The following AASDHPPT variants were observed in gnomAD, a reference collection of about 807,000 sequenced individuals.
AASDHPPT encodes the protein aminoadipate-semialdehyde dehydrogenase-phosphopantetheinyl transferase, also known as L-aminoadipate-semialdehyde dehydrogenase-phosphopantetheinyl transferase.
In AASDHPPT, 23 loss-of-function variants were observed where a neutral mutation model predicts 36.4. The ratio of observed to expected loss-of-function variants is 0.63; its 90% CI spans 0.45 to 0.89. The LOEUF (loss-of-function observed/expected upper bound fraction) is 0.89, where lower values mean the gene tolerates loss of function less well. AASDHPPT is among the 40% of genes least tolerant of loss of function. AASDHPPT has a pLI of 0.00. For missense variants in AASDHPPT, 377 were observed against 378.2 expected, an observed-to-expected ratio of 1.00 and a Z score of 0.03; for synonymous variants, 115 against 128.0, an observed-to-expected ratio of 0.90 and a Z score of 0.68.
rs200243845 is a variant in AASDHPPT at position 106,077,699 on chromosome 11, C to A, written c.-12C>A. The A allele has an allele frequency of 8.1e-6, 13 of 1,606,670 alleles. No homozygotes were observed. Among genetic ancestry groups the A allele is most frequent in the Admixed American group, 1.7e-5 (1 of 59,798 alleles). On this transcript the variant is annotated 5_prime_UTR_variant, in exon 1 of 6. Transcript: ENST00000278618. ...TCAGGCCCGAGATAGCGGCGAGGTCCGCTTTCAGTGTATGGTTTTCCCTGC... is the reference window on the plus strand; with the variant it reads ...TCAGGCCCGAGATAGCGGCGAGGTCAGCTTTCAGTGTATGGTTTTCCCTGC...
At chr11:106,096,220 CA>C (rs921201987) in intron 5 of AASDHPPT, among the ~76,000 whole-genome samples, 1 of 152,082 alleles carries the variant, frequency 6.6e-6, no homozygotes, top group African/African-American at 2.4e-5. Context: ...AGAGGGTCTG[CA>C]CTGGGTTCAA....
chr11:106,094,462 G>A, intron 4 of AASDHPPT, 121 bp from the exon 5 acceptor site: 1 of 633,302 alleles, frequency 1.6e-6, no homozygotes, highest in Non-Finnish European at 2.5e-6. Flanking sequence ...GCACGCGTGT[G>A]AGTGTACGTA....
intron 1 of AASDHPPT, among the ~76,000 whole-genome samples, chr11:106,078,445 GTATT>G (rs1861091605): frequency 6.6e-6 from 1 of 152,170 alleles, no homozygotes. Flanking sequence ...ATGGGAAACA[GTATT>G]TTACGTAGAT....
chr11:106,080,279 G>A (rs531978653), intron 2 of AASDHPPT, among the ~76,000 whole-genome samples: 8 of 152,254 alleles, frequency 5.3e-5, no homozygotes, highest in South Asian at 2.1e-4. Context: ...GGCCGCATGC[G>A]CAGATTTTGG....
At chr11:106,090,780 T>G in intron 3 of AASDHPPT, 102 bp downstream of exon 3, 1 of 1,415,944 alleles carries the variant, frequency 7.1e-7, no homozygotes, top group Non-Finnish European at 9.4e-7. Context: ...AAACAGTGCT[T>G]GAAGTAAATG....
intron 2 of AASDHPPT, chr11:106,085,910 G>A (rs1181902373): frequency 6.6e-6 from 1 of 152,172 alleles, no homozygotes. Flanking sequence ...TTTCCTTTGA[G>A]TATAATTTTG....
intron 3 of AASDHPPT, 75 bp downstream of exon 3, chr11:106,090,753 G>T: frequency 2.0e-6 from 3 of 1,531,544 alleles, no homozygotes; most frequent in South Asian, 1.3e-5. Flanking sequence ...AGAGTCCTTG[G>T]TTACCCAGTA....
chr11:106,084,049 A>G (rs1017047014), intron 2 of AASDHPPT, among the ~76,000 whole-genome samples: 1 of 152,210 alleles, frequency 6.6e-6, no homozygotes, highest in African/African-American at 2.4e-5. Context: ...AAATATTAAT[A>G]GGCACGTTAC....
chr11:106,088,346 C>T (rs1275317525), intron 2 of AASDHPPT, among the ~76,000 whole-genome samples: 1 of 151,876 alleles, frequency 6.6e-6, no homozygotes, highest in Non-Finnish European at 1.5e-5. Context: ...AAGCAGCAAG[C>T]AGAATGACAC....
At chr11:106,088,748 A>G (rs1339700547) in intron 2 of AASDHPPT, among the ~76,000 whole-genome samples, 3 of 152,070 alleles carry the variant, frequency 2.0e-5, no homozygotes, top group Non-Finnish European at 2.9e-5. Flanking sequence ...ACACCAGACA[A>G]CAAAGGGATC....
At chr11:106,094,557 ATATT>A (rs1205381418) in intron 4 of AASDHPPT, 22 bp from the exon 5 acceptor site, 2 of 1,536,044 alleles carry the variant, frequency 1.3e-6, no homozygotes, top group Admixed American at 1.9e-5. Context: ...TTTATAATCT[ATATT>A]TATTTACCTT....
At position 106,091,560 on chromosome 11, in the gene AASDHPPT, A is replaced by C. The variant is rs1861257547; in HGVS notation, c.693+83A>C. 3 of 1,392,972 alleles carry C rather than the reference A, an allele frequency of 2.2e-6. No individual in the cohort carries two copies. The Admixed American group carries it at 8.3e-5, about 38-fold the overall frequency. The allele number at this position is 1,392,972 out of a possible 1,614,324, so 86.3% of individuals were successfully genotyped here. On this transcript the variant is annotated intron_variant, in intron 4 of 5. Transcript: ENST00000278618. The stretch of plus-strand genomic sequence containing the variant: ...TGTGATTAATTTGGGTAAGCTAGTC[A>C]CTGAATTTGGACGCAACTGAATCCA...
chr11:106,096,421 A>G (rs1204472045), intron 5 of AASDHPPT: 1 of 180,526 alleles, frequency 5.5e-6, no homozygotes, highest in Non-Finnish European at 1.1e-5. Flanking sequence ...TGCTCGTTAA[A>G]ATTACAGATT....
At chr11:106,093,233 A>T (rs898959296) in intron 4 of AASDHPPT, 3 of 152,220 alleles carry the variant, frequency 2.0e-5, no homozygotes, top group African/African-American at 7.2e-5. Context: ...GTTTCAAAAC[A>T]GTATATCCAT....
chr11:106,084,044 T>C (rs771507861), intron 2 of AASDHPPT, among the ~76,000 whole-genome samples: 28 of 152,122 alleles, frequency 1.8e-4, no homozygotes, highest in Admixed American at 5.9e-4. Flanking sequence ...TTAGAAAATA[T>C]TAATAGGCAC....
rs1861337780 is a variant in AASDHPPT at position 106,098,176 on chromosome 11, G to T, written c.*1269G>T. On this transcript the variant is annotated 3_prime_UTR_variant, in exon 6 of 6. Coordinates refer to ENST00000278618, the MANE Select transcript of AASDHPPT (RefSeq NM_015423.3). ...TTTTTGCCAATGTAATTAAAAAATG[G>T]TATGTCATTTTTAAAATTTGTATTT... 6.6e-6 allele frequency: 1 copy of T among 151,976 alleles called. No homozygotes were observed. Among genetic ancestry groups the T allele is most frequent in the African/African-American group, 2.4e-5 (1 of 41,396 alleles). 9.4% of individuals were successfully genotyped at this position (151,976 alleles called of 1,614,324 possible).
chr11:106,096,760 T>A lies in AASDHPPT; in HGVS notation c.783T>A (p.Asp261Glu), dbSNP rs774862757. The part of the protein sequence containing the change: ...SRHQDVPSQD[D>E]SKPTQRQFTI... ...TCTTTTAGGTTCCATCTCAGGATGA[T>A]TCCAAACCAACCCAGAGGCAATTTA... The change falls in exon 6 of 6, where the codon GAT becomes GAA. Residue 261 changes from aspartate (D) to glutamate (E), a missense_variant. Transcript: ENST00000278618. 4.4e-6 allele frequency: 7 copies of A among 1,602,876 alleles called. No individual in the cohort carries two copies. The highest frequency in any genetic ancestry group is 1.3e-5 in the African/African-American group (1 of 74,264).
Position 106,090,623 on chromosome 11 carries a change from C to T in AASDHPPT, c.476C>T (p.Thr159Ile). 1 of 1,600,942 alleles carries T rather than the reference C, an allele frequency of 6.2e-7. No homozygotes were observed. Among genetic ancestry groups the T allele is most frequent in the Non-Finnish European group, 8.5e-7 (1 of 1,174,928 alleles). Reference sequence around the variant, plus strand: ...AAGTTTACCAACAAAGAATGGGAAACAATCAGAAGCTTTAAGGATGAGTGG... The same window carrying T: ...AAGTTTACCAACAAAGAATGGGAAATAATCAGAAGCTTTAAGGATGAGTGG... ...KRKFTNKEWE[T>I]IRSFKDEWTQ... The change falls in exon 3 of 6, where the codon ACA (threonine) becomes ATA (isoleucine). Residue 159 changes from threonine (T) to isoleucine (I), a missense_variant. Physicochemically the swap from Thr to Ile is moderately conservative, Grantham distance 89. Coordinates refer to ENST00000278618, the MANE Select transcript of AASDHPPT (RefSeq NM_015423.3).
At position 106,091,179 on chromosome 11, in the gene AASDHPPT, G is replaced by GT. The variant is rs960611265; in HGVS notation, c.532-128dup. 1.2e-3 allele frequency: 782 copies of GT among 679,668 alleles called. 1 individual carries two copies. Among genetic ancestry groups the GT allele is most frequent in the South Asian group, 1.8e-3 (68 of 38,254 alleles). 42.1% of individuals were successfully genotyped at this position (679,668 alleles called of 1,614,324 possible). A position where few individuals can be genotyped will look rare whatever the true frequency, so the allele number is the denominator to read the frequency against. Reference sequence around the variant, plus strand: ...GATGGTTTGTTTTCATGCTGTAAGGGTTTTTTTTTAAAAAGGTTATAGCTA... The same window carrying GT: ...GATGGTTTGTTTTCATGCTGTAAGGGTTTTTTTTTTAAAAAGGTTATAGCTA... On this transcript the variant is annotated intron_variant, in intron 3 of 5. Coordinates refer to ENST00000278618, the MANE Select transcript of AASDHPPT (RefSeq NM_015423.3).
Sources: gnomAD v4.1 joint callset for allele counts (sites outside exome capture counted in the v4.1 genomes callset) on GRCh38, gnomAD v4.1.1 for gene constraint, MANE v1.5 for transcripts, NCBI Gene and HGNC (gene_info 2026-07-23, HGNC 2026-07-21) for gene names.